SYNJ1: variants seen among roughly 807,000 people sequenced by gnomAD.
SYNJ1 encodes the protein polyphosphatidylinositol phosphatase SYNJ1.
A neutral mutation model predicts 168.2 loss-of-function variants in SYNJ1; 78 were observed. The ratio of observed to expected loss-of-function variants is 0.46; its 90% confidence interval spans 0.39 to 0.56. The LOEUF (loss-of-function observed/expected upper bound fraction) is 0.56. Ranked by LOEUF, SYNJ1 falls within the 20% of genes least tolerant of loss-of-function variation. SYNJ1 has a pLI of 0.00. For synonymous variants in SYNJ1, 539 were observed against 548.6 expected, an observed-to-expected ratio of 0.98 and a Z score of 0.24; for missense variants, 1,303 against 1,597.6, an observed-to-expected ratio of 0.82 and a Z score of 3.14.
Position 32,631,187 on chromosome 21 carries a change from T to C in SYNJ1, c.*618A>G, listed in dbSNP as rs139212871. On this transcript the variant is annotated 3_prime_UTR_variant, in exon 33 of 33. Coordinates refer to ENST00000674351, the MANE Select transcript of SYNJ1 (RefSeq NM_203446.3). ...TCAATGTCAGGTTGGAGCCAGAAAA[T>C]GAACTTGGCTGATTACCCAGTAAGT... 14 of 1,614,050 alleles carry C rather than the reference T, an allele frequency of 8.7e-6. No individual in the cohort carries two copies. In the African/African-American group the frequency reaches 1.1e-4, roughly 12 times the overall value.
At chr21:32,704,281 G>A (rs546771727) in intron 2 of SYNJ1, among the ~76,000 whole-genome samples, 1 of 152,010 alleles carries the variant, frequency 6.6e-6, no homozygotes, top group Non-Finnish European at 1.5e-5. Flanking sequence ...CAGGAAACAG[G>A]ATACACACAC....
intron 2 of SYNJ1, among the ~76,000 whole-genome samples, chr21:32,711,573 G>A (rs1187941184): frequency 6.6e-6 from 1 of 152,058 alleles, no homozygotes; most frequent in African/African-American, 2.4e-5. Flanking sequence ...CTCATGATCT[G>A]CCCACCTCAG....
chr21:32,673,761 CA>C (rs371022558), intron 13 of SYNJ1, among the ~76,000 whole-genome samples: 48 of 147,276 alleles, frequency 3.3e-4, no homozygotes, highest in African/African-American at 1.2e-3. Context: ...ACATTAAATA[CA>C]ATAGCCAAAG....
Position 32,687,049 on chromosome 21 carries a change from A to G in SYNJ1, c.877T>C (p.Tyr293His), listed in dbSNP as rs763234456. 3.3e-6 allele frequency: 5 copies of G among 1,530,990 alleles called. No homozygotes were observed. Among genetic ancestry groups the G allele is most frequent in the South Asian group, 2.5e-5 (2 of 79,172 alleles). The allele number at this position is 1,530,990 out of a possible 1,614,324, so 94.8% of individuals were successfully genotyped here. The part of the protein sequence containing the change: ...DRHFRTLKNL[Y>H]GKQIIVNLLG... ...AAATTTACTATTATTTGTTTACCATATAAGTTCTTAAGTGTTCTAAAATGC... is the reference window on the plus strand; with the variant it reads ...AAATTTACTATTATTTGTTTACCATGTAAGTTCTTAAGTGTTCTAAAATGC... Residue 293 changes from tyrosine to histidine, a missense_variant, in exon 8 of 33, where the codon TAT becomes CAT. Around this residue, in one of 2 missense-constraint regions of SYNJ1, gnomAD observed 920 missense variants for 1,208.8 expected, o/e 0.76. Coordinates refer to ENST00000674351, the MANE Select transcript of SYNJ1 (RefSeq NM_203446.3).
At chr21:32,709,070 T>C (rs1269636293) in intron 2 of SYNJ1, among the ~76,000 whole-genome samples, 1 of 152,248 alleles carries the variant, frequency 6.6e-6, no homozygotes, top group Non-Finnish European at 1.5e-5. Context: ...CAATGGCTTG[T>C]TAATCACAGA....
intron 11 of SYNJ1, among the ~76,000 whole-genome samples, chr21:32,679,556 CA>C (rs1322229510): frequency 6.6e-6 from 1 of 151,966 alleles, no homozygotes; most frequent in Admixed American, 6.6e-5. Flanking sequence ...ATTGTCAAAA[CA>C]AAAAACTTGC....
chr21:32,642,086 T>C lies in SYNJ1; in HGVS notation c.3517+9A>G, dbSNP rs2039865931. On this transcript the variant is annotated intron_variant, in intron 28 of 32. Coordinates refer to ENST00000674351, the MANE Select transcript of SYNJ1 (RefSeq NM_203446.3). The stretch of plus-strand genomic sequence containing the variant: ...TTAAGGGTGAATAGCTACATTCAAG[T>C]GTTTTTACCTATATTATCTTTCCTT... 1 of 1,614,062 alleles carries C rather than the reference T, an allele frequency of 6.2e-7. No individual in the cohort carries two copies. Among genetic ancestry groups the C allele is most frequent in the South Asian group, 1.1e-5 (1 of 91,082 alleles).
intron 6 of SYNJ1, among the ~76,000 whole-genome samples, chr21:32,692,723 A>G (rs1381204666): frequency 6.6e-6 from 1 of 152,172 alleles, no homozygotes; most frequent in Non-Finnish European, 1.5e-5. Context: ...ACGCAACCTT[A>G]TTGGATCATC....
chr21:32,663,870 C>T (rs530840326), intron 18 of SYNJ1, among the ~76,000 whole-genome samples: 13 of 152,300 alleles, frequency 8.5e-5, no homozygotes, highest in Non-Finnish European at 1.6e-4. Context: ...GATTGGCTCT[C>T]GACTACTTGC....
chr21:32,685,288 G>A (rs2041788631), intron 9 of SYNJ1, among the ~76,000 whole-genome samples: 1 of 151,252 alleles, frequency 6.6e-6, no homozygotes, highest in African/African-American at 2.4e-5. Flanking sequence ...AGAAAAACAA[G>A]TTTAAAATCA....
rs770564458 is a variant in SYNJ1 at position 32,666,516 on chromosome 21, G to C, written c.1869C>G (p.Asn623Lys). 3 of 1,614,110 alleles carry C rather than the reference G, an allele frequency of 1.9e-6. No homozygotes were observed. The highest frequency in any genetic ancestry group is 1.1e-5 in the South Asian group (1 of 91,084). ...GTTCAGAAGCCAGCAGCACATACTT[G>C]TTGTCTCTGGAGATTGTCTTCTGAA... ...VELQKTISRDNKYVLLASEQL... is the reference protein window; with the variant it reads ...VELQKTISRDKKYVLLASEQL... The change falls in exon 16 of 33, where the codon AAC becomes AAG. Residue 623 changes from asparagine to lysine, a missense_variant. Coordinates refer to ENST00000674351, the MANE Select transcript of SYNJ1 (RefSeq NM_203446.3).
In SYNJ1 at chr21:32,639,661, G is replaced by C. The variant is rs548819939; in HGVS notation, c.3697+10C>G. On this transcript the variant is annotated intron_variant, in intron 30 of 32. Coordinates refer to ENST00000674351, the MANE Select transcript of SYNJ1 (RefSeq NM_203446.3). ...GATCCTCCTGCCTCAGCCTCCCAAA[G>C]AGGACCTACCTTTCGACGTTTCTGA... 7.1e-5 allele frequency: 115 copies of C among 1,612,324 alleles called. 3 individuals carry two copies. In the South Asian group the frequency reaches 1.2e-3, roughly 17 times the overall value.
In SYNJ1 at chr21:32,670,276, T is replaced by C. The variant is rs1216689374; in HGVS notation, c.1811+12A>G. On this transcript the variant is annotated intron_variant, in intron 15 of 32. Transcript: ENST00000674351. ...TGGCAAATTTTTCAGTGGATTAATGTGGCTAGCTTACCTTGCACTCACAAT... is the reference window on the plus strand; with the variant it reads ...TGGCAAATTTTTCAGTGGATTAATGCGGCTAGCTTACCTTGCACTCACAAT... The C allele has an allele frequency of 3.1e-6, 5 of 1,610,398 alleles. No homozygotes were observed. The highest frequency in any genetic ancestry group is 4.5e-5 in the East Asian group (2 of 44,754).
chr21:32,696,069 G>T (rs2042201848), intron 4 of SYNJ1, among the ~76,000 whole-genome samples: 1 of 151,962 alleles, frequency 6.6e-6, no homozygotes, highest in Non-Finnish European at 1.5e-5. Flanking sequence ...AGCCAGGATG[G>T]TCCTGAACTC....
At chr21:32,698,836 GAAT>G (rs977806333) in intron 4 of SYNJ1, among the ~76,000 whole-genome samples, 1 of 152,098 alleles carries the variant, frequency 6.6e-6, no homozygotes, top group African/African-American at 2.4e-5. Flanking sequence ...TTAAAATTTA[GAAT>G]AATAAGGGAA....
Position 32,678,715 on chromosome 21 carries a change from T to C in SYNJ1, c.1440A>G (p.Leu480=). ...AATCACTATTCAGAGTATTTCCCAG[T>C]AGCAAAACATCAATGGCCTCTTGCT... The part of the protein sequence containing the change: ...SSKQEAIDVL[L]LGNTLNSDLA... Residue 480 remains leucine (L), a synonymous_variant, in exon 12 of 33, where the codon CTA becomes CTG. Coordinates refer to ENST00000674351, the MANE Select transcript of SYNJ1 (RefSeq NM_203446.3). 1 of 1,613,558 alleles carries C rather than the reference T, an allele frequency of 6.2e-7. No homozygotes were observed. Among genetic ancestry groups the C allele is most frequent in the African/African-American group, 1.3e-5 (1 of 75,022 alleles).
Position 32,629,719 on chromosome 21 carries a change from G to C in SYNJ1, c.*2086C>G, listed in dbSNP as rs189452590. The C allele has an allele frequency of 6.6e-6, 1 of 152,390 alleles. No homozygotes were observed. Among genetic ancestry groups the C allele is most frequent in the African/African-American group, 2.4e-5 (1 of 41,570 alleles). 9.4% of individuals were successfully genotyped at this position (152,390 alleles called of 1,614,324 possible). A position where few individuals can be genotyped will look rare whatever the true frequency, so the allele number is the denominator to read the frequency against. On this transcript the variant is annotated 3_prime_UTR_variant, in exon 33 of 33. Transcript: ENST00000674351. Reference sequence around the variant, plus strand: ...TGACAAAGAAACAACTATTGCTCAAGGAGTTTTCTGATTGGTTTACTTAAT... The same window carrying C: ...TGACAAAGAAACAACTATTGCTCAACGAGTTTTCTGATTGGTTTACTTAAT...
At chr21:32,691,164 G>A (rs1438397410) in intron 6 of SYNJ1, among the ~76,000 whole-genome samples, 2 of 152,194 alleles carry the variant, frequency 1.3e-5, no homozygotes, top group Non-Finnish European at 2.9e-5. Context: ...GGTCTGGTGG[G>A]AGGTGACTGA....
chr21:32,639,171 C>T, intron 30 of SYNJ1, 46 bp from the exon 31 acceptor site: 1 of 1,530,284 alleles, frequency 6.5e-7, no homozygotes. Context: ...TCTAGAAAAC[C>T]ATGTTTTTTT....
Sources: gnomAD v4.1 joint callset for allele counts (sites outside exome capture counted in the v4.1 genomes callset) on GRCh38, gnomAD v4.1.1 for gene constraint, gnomAD v4.1.1 regional missense constraint, MANE v1.5 for transcripts, NCBI Gene and HGNC (gene_info 2026-07-23, HGNC 2026-07-21) for gene names.